Variants in TCF12 observed in about 807,000 individuals in gnomAD.
TCF12 encodes the protein transcription factor 12.
TCF12 carries 45 observed loss-of-function variants against 86.0 expected under a neutral mutation model. That is an observed-to-expected ratio of 0.52 (90% confidence interval 0.41 to 0.67). The LOEUF is 0.67. Ranked by LOEUF, TCF12 falls within the 30% of genes least tolerant of loss-of-function variation. The pLI is 0.00. For synonymous variants in TCF12, 330 were observed against 299.6 expected (o/e 1.10, Z -1.05); for missense variants, 881 against 859.9 (o/e 1.02, Z -0.31).
At chr15:57,204,717 CA>C (rs1174158977) in intron 8 of TCF12, among the ~76,000 whole-genome samples, 3 of 150,002 alleles carry the variant, frequency 2.0e-5, no homozygotes, top group Non-Finnish European at 4.4e-5. Context: ...TAAGAATATT[CA>C]AAAGAAAAAA....
At chr15:57,025,153 C>T (rs2065746178) in intron 3 of TCF12, among the ~76,000 whole-genome samples, 1 of 152,048 alleles carries the variant, frequency 6.6e-6, no homozygotes, top group Non-Finnish European at 1.5e-5. Flanking sequence ...GATCGCAGCT[C>T]ATTGCAGCCT....
chr15:57,042,620 C>G (rs960745930), intron 3 of TCF12, among the ~76,000 whole-genome samples: 1 of 152,058 alleles, frequency 6.6e-6, no homozygotes, highest in African/African-American at 2.4e-5. Flanking sequence ...CACTGTGTTG[C>G]CCAAGCTGGT....
intron 3 of TCF12, among the ~76,000 whole-genome samples, chr15:56,985,349 G>A (rs2063130825): frequency 1.3e-5 from 2 of 152,140 alleles, no homozygotes; most frequent in Non-Finnish European, 2.9e-5. Context: ...ATTTTAAATT[G>A]TGAGTCAGAA....
chr15:57,095,870 A>G (rs934324762), intron 5 of TCF12, among the ~76,000 whole-genome samples: 9 of 152,174 alleles, frequency 5.9e-5, no homozygotes, highest in Admixed American at 4.6e-4. Context: ...CTTTTATTCA[A>G]CCCTGAAAAA....
intron 13 of TCF12, chr15:57,247,253 T>C: frequency 1.6e-6 from 1 of 644,554 alleles, no homozygotes; most frequent in South Asian, 1.6e-5. Flanking sequence ...TCCAAAACCA[T>C]TATATCCGCC....
chr15:56,978,596 T>G (rs1273341818), intron 3 of TCF12, among the ~76,000 whole-genome samples: 1 of 152,236 alleles, frequency 6.6e-6, no homozygotes, highest in African/African-American at 2.4e-5. Context: ...GAGAATATTT[T>G]TATTCCATTA....
Position 57,126,324 on chromosome 15 carries a change from G to T in TCF12, c.325+34433G>T, listed in dbSNP as rs552208563. On this transcript the variant is annotated intron_variant, in intron 5 of 20. Coordinates refer to ENST00000333725, the MANE Select transcript of TCF12 (RefSeq NM_207037.2). ...TCATAAGTACAGTGTTTTTCTTCCA[G>T]AGGTGCTTCTTTGTTGAATCATCCT... Among the ~76,000 whole-genome samples the T allele has an allele frequency of 5.9e-5, 9 of 152,252 alleles. No individual in the cohort carries two copies. The South Asian group carries it at 1.2e-3, about 21-fold the overall frequency.
intron 3 of TCF12, among the ~76,000 whole-genome samples, chr15:57,045,525 T>G (rs2067177250): frequency 6.6e-6 from 1 of 152,036 alleles, no homozygotes; most frequent in Non-Finnish European, 1.5e-5. Context: ...GAGGATTTTT[T>G]TTTATTTGTT....
At chr15:57,165,636 A>C (rs2054835779) in intron 5 of TCF12, among the ~76,000 whole-genome samples, 1 of 151,688 alleles carries the variant, frequency 6.6e-6, no homozygotes. Context: ...TCCTGGGTTC[A>C]AGTGATTCTC....
chr15:57,083,645 C>T (rs1420219583), intron 4 of TCF12, among the ~76,000 whole-genome samples: 1 of 152,050 alleles, frequency 6.6e-6, no homozygotes, highest in Admixed American at 6.5e-5. Flanking sequence ...AATGCAGTGG[C>T]GTGATACTGG....
chr15:57,042,542 G>A (rs1039145087), intron 3 of TCF12, among the ~76,000 whole-genome samples: 1 of 152,008 alleles, frequency 6.6e-6, no homozygotes, highest in African/African-American at 2.4e-5. Flanking sequence ...GCCTCCCGAG[G>A]AGCCAGTACT....
At chr15:57,111,887 C>T (rs932900250) in intron 5 of TCF12, among the ~76,000 whole-genome samples, 37 of 152,186 alleles carry the variant, frequency 2.4e-4, no homozygotes, top group African/African-American at 8.7e-4. Context: ...GCCACCGCAC[C>T]TGGCTGGCTT....
intron 3 of TCF12, among the ~76,000 whole-genome samples, chr15:56,962,760 CTT>C (rs1225104379): frequency 1.3e-5 from 2 of 152,146 alleles, no homozygotes; most frequent in African/African-American, 4.8e-5. Context: ...CTTTATGTCT[CTT>C]TAAGCTGTGG....
chr15:57,153,264 A>G (rs568938180), intron 5 of TCF12, among the ~76,000 whole-genome samples: 128 of 152,200 alleles, frequency 8.4e-4, no homozygotes, highest in Non-Finnish European at 1.5e-3. Flanking sequence ...TTTCATAGAG[A>G]GCCAGATATT....
chr15:56,998,577 A>G (rs1410750437), intron 3 of TCF12, among the ~76,000 whole-genome samples: 1 of 152,150 alleles, frequency 6.6e-6, no homozygotes, highest in Non-Finnish European at 1.5e-5. Flanking sequence ...TACAGAAGGA[A>G]CTCAGCATTT....
chr15:57,251,420 C>T lies in TCF12; in HGVS notation c.1185C>T (p.Ser395=). 1 of 1,613,800 alleles carries T rather than the reference C, an allele frequency of 6.2e-7. No individual in the cohort carries two copies. Among genetic ancestry groups the T allele is most frequent in the African/African-American group, 1.3e-5 (1 of 74,992 alleles). Reference sequence around the variant, plus strand: ...CAAGCTATGAAAACTCACTCCACTCCCTGGTAAGAGCCTCTTATACATCAG... The same window carrying T: ...CAAGCTATGAAAACTCACTCCACTCTCTGGTAAGAGCCTCTTATACATCAG... ...SSPSYENSLH[S]LKNRVEQQLH... is the part of the protein sequence containing the mutation. Residue 395 remains serine (S), a synonymous_variant, in exon 14 of 21, where the codon TCC becomes TCT. Coordinates refer to ENST00000333725, the MANE Select transcript of TCF12 (RefSeq NM_207037.2).
At chr15:57,042,181 C>T (rs938523982) in intron 3 of TCF12, among the ~76,000 whole-genome samples, 23 of 151,592 alleles carry the variant, frequency 1.5e-4, no homozygotes, top group African/African-American at 4.6e-4. Flanking sequence ...TGCAGTGGCA[C>T]GATCTCAGCT....
In TCF12 at chr15:57,287,852, T is replaced by A. The variant is rs569495844; in HGVS notation, c.*1707T>A. On this transcript the variant is annotated 3_prime_UTR_variant, in exon 21 of 21. Coordinates refer to ENST00000333725, the MANE Select transcript of TCF12 (RefSeq NM_207037.2). Reference sequence around the variant, plus strand: ...TTCTCCAGTTACATCGGACTCTATCTGTGGCCTTGTTCTTCATTTCAGTGT... The same window carrying A: ...TTCTCCAGTTACATCGGACTCTATCAGTGGCCTTGTTCTTCATTTCAGTGT... 3 of 152,814 alleles carry A rather than the reference T, an allele frequency of 2.0e-5. No individual in the cohort carries two copies. The highest frequency in any genetic ancestry group is 7.2e-5 in the African/African-American group (3 of 41,602). 9.5% of individuals were successfully genotyped at this position (152,814 alleles called of 1,614,324 possible).
chr15:57,166,433 G>C lies in TCF12; in HGVS notation c.357G>C (p.Leu119=). The part of the protein sequence containing the change: ...GKTSERGSFS[L]YSRDTGLPGC... Reference sequence around the variant, plus strand: ...CATCAGAGAGAGGCTCATTTTCCCTGTACAGCAGAGATACTGGATTACCAG... The same window carrying C: ...CATCAGAGAGAGGCTCATTTTCCCTCTACAGCAGAGATACTGGATTACCAG... The change falls in exon 6 of 21, where the codon CTG becomes CTC. Residue 119 remains leucine (L), a synonymous_variant. Coordinates refer to ENST00000333725, the MANE Select transcript of TCF12 (RefSeq NM_207037.2). 12 of 1,612,472 alleles carry C rather than the reference G, an allele frequency of 7.4e-6. No individual in the cohort carries two copies. Among genetic ancestry groups the C allele is most frequent in the Non-Finnish European group, 1.0e-5 (12 of 1,179,424 alleles).
Sources: gnomAD v4.1 joint callset for allele counts (sites outside exome capture counted in the v4.1 genomes callset) on GRCh38, gnomAD v4.1.1 for gene constraint, MANE v1.5 for transcripts, NCBI Gene and HGNC (gene_info 2026-07-23, HGNC 2026-07-21) for gene names.